Variants in GPR83 observed in about 807,000 individuals in gnomAD.
GPR83 encodes G protein-coupled receptor 83, also known as G-protein coupled receptor 72.
GPR83 carries 23 observed loss-of-function variants against 28.0 expected under a neutral mutation model. The observed-to-expected ratio is 0.82, with a 90% CI of 0.59 to 1.16. GPR83 has a LOEUF of 1.16. Ranked by LOEUF, GPR83 falls within the 50% of genes most tolerant of loss-of-function variation. The pLI is 0.00. For synonymous variants in GPR83, 234 were observed against 215.4 expected (o/e 1.09, Z -0.76); for missense variants, 610 against 536.6 (o/e 1.14, Z -1.35).
At position 94,377,854 on chromosome 11, in the gene GPR83, A is replaced by G. The variant is rs536177140; in HGVS notation, c.*2295T>C. The G allele has an allele frequency of 2.0e-5, 3 of 152,246 alleles. No homozygotes were observed. The South Asian group carries it at 6.2e-4, about 32-fold the overall frequency. The allele number at this position is 152,246 out of a possible 1,614,324, so 9.4% of individuals were successfully genotyped here. A position where few individuals can be genotyped will look rare whatever the true frequency, so the allele number is the denominator to read the frequency against. On this transcript the variant is annotated 3_prime_UTR_variant, in exon 4 of 4. Transcript: ENST00000243673. ...CAACTTCCAATATTTTGGACTTACG[A>G]TGGGTTTATTGAGATGTAAGTCAAG...
At chr11:94,390,674 C>T (rs1482936285) in intron 3 of GPR83, among the ~76,000 whole-genome samples, 1 of 152,048 alleles carries the variant, frequency 6.6e-6, no homozygotes, top group South Asian at 2.1e-4. Flanking sequence ...TCCTATACAC[C>T]AATAACAGAC....
At chr11:94,381,959 C>T (rs1318986013) in intron 3 of GPR83, among the ~76,000 whole-genome samples, 1 of 152,112 alleles carries the variant, frequency 6.6e-6, no homozygotes, top group Non-Finnish European at 1.5e-5. Context: ...CAGCCTCTGC[C>T]ACTCTCTTTC....
intron 3 of GPR83, among the ~76,000 whole-genome samples, chr11:94,385,628 CGAGAA>C (rs1208666270): frequency 1.3e-5 from 2 of 151,908 alleles, no homozygotes; most frequent in African/African-American, 4.8e-5. Context: ...TGAAATGAAG[CGAGAA>C]GAGAAGTTTA....
intron 3 of GPR83, among the ~76,000 whole-genome samples, chr11:94,382,061 C>T (rs1026102348): frequency 7.2e-5 from 11 of 152,090 alleles, no homozygotes; most frequent in Admixed American, 6.6e-5. Flanking sequence ...TCATCTAACA[C>T]AACAAATGAG....
chr11:94,395,468 G>A (rs1031150816), intron 2 of GPR83, among the ~76,000 whole-genome samples: 1 of 152,164 alleles, frequency 6.6e-6, no homozygotes, highest in African/African-American at 2.4e-5. Context: ...CATGGGCTTG[G>A]AGCCAGACAG....
intron 3 of GPR83, among the ~76,000 whole-genome samples, chr11:94,388,874 T>C (rs1944785695): frequency 6.6e-6 from 1 of 152,316 alleles, no homozygotes; most frequent in East Asian, 1.9e-4. Flanking sequence ...AAGTCAATCC[T>C]AAGGCAAAAG....
Position 94,377,955 on chromosome 11 carries a change from C to T in GPR83, c.*2194G>A. 1 of 152,156 alleles carries T rather than the reference C, an allele frequency of 6.6e-6. No individual in the cohort carries two copies. Among genetic ancestry groups the T allele is most frequent in the Non-Finnish European group, 1.5e-5 (1 of 68,046 alleles). The allele number at this position is 152,156 out of a possible 1,614,324, so 9.4% of individuals were successfully genotyped here. ...TCCATGCTTCCCAGAGCAGGACAAA[C>T]CTTCTGTATGCCTGCTGCCTTGTCT... On this transcript the variant is annotated 3_prime_UTR_variant, in exon 4 of 4. Transcript: ENST00000243673.
chr11:94,396,505 G>A lies in GPR83; in HGVS notation c.407C>T (p.Thr136Ile). The A allele has an allele frequency of 1.2e-6, 2 of 1,614,006 alleles. No individual in the cohort carries two copies. Among genetic ancestry groups the A allele is most frequent in the Non-Finnish European group, 1.7e-6 (2 of 1,179,866 alleles). Reference sequence around the variant, plus strand: ...GCACATGCCCTTCCCAAATATCCATGTGCTGTTCACAAAGCGAACCTGGAG... The same window carrying A: ...GCACATGCCCTTCCCAAATATCCATATGCTGTTCACAAAGCGAACCTGGAG... ...PFTLVRFVNS[T>I]WIFGKGMCHV... The change falls in exon 2 of 4, where the codon ACA becomes ATA. Residue 136 changes from threonine (T) to isoleucine (I), a missense_variant. Thr to Ile is a moderately conservative substitution (Grantham distance 89). Transcript: ENST00000243673.
intron 3 of GPR83, among the ~76,000 whole-genome samples, chr11:94,386,892 G>T (rs1944762686): frequency 6.6e-6 from 1 of 152,148 alleles, no homozygotes; most frequent in Non-Finnish European, 1.5e-5. Context: ...CAGCACCACA[G>T]TGCACTTATT....
At chr11:94,388,320 C>T (rs1944780465) in intron 3 of GPR83, among the ~76,000 whole-genome samples, 1 of 152,118 alleles carries the variant, frequency 6.6e-6, no homozygotes, top group South Asian at 2.1e-4. Context: ...AAGTTCTGGC[C>T]AGGGCAATCA....
At chr11:94,397,546 T>C (rs936255698) in intron 1 of GPR83, among the ~76,000 whole-genome samples, 1 of 152,250 alleles carries the variant, frequency 6.6e-6, no homozygotes, top group Admixed American at 6.5e-5. Context: ...TGTTTGCCAC[T>C]GATCACTGTG....
At chr11:94,393,340 G>T (rs1944835817) in intron 3 of GPR83, 145 bp downstream of exon 3, 2 of 677,494 alleles carry the variant, frequency 3.0e-6, no homozygotes, top group Non-Finnish European at 5.1e-6. Flanking sequence ...TAACAGGATG[G>T]GAGCGAGCCA....
intron 3 of GPR83, among the ~76,000 whole-genome samples, chr11:94,386,887 C>A (rs1944762581): frequency 6.6e-6 from 1 of 152,174 alleles, no homozygotes; most frequent in African/African-American, 2.4e-5. Context: ...CTTCTCAGCA[C>A]CACAGTGCAC....
rs529253995 is a variant in GPR83 at position 94,380,883 on chromosome 11, C to T, written c.648-110G>A. The T allele has an allele frequency of 2.9e-5, 26 of 888,532 alleles. No homozygotes were observed. In the East Asian group the frequency reaches 4.3e-4, roughly 15 times the overall value. The allele number at this position is 888,532 out of a possible 1,614,324, so 55.0% of individuals were successfully genotyped here. Reference sequence around the variant, plus strand: ...CTCTCCTTCCACTGGGCTCCTGGTACATCCATCTAATATGGCACTTTTGAT... The same window carrying T: ...CTCTCCTTCCACTGGGCTCCTGGTATATCCATCTAATATGGCACTTTTGAT... On this transcript the variant is annotated intron_variant, in intron 3 of 3. Transcript: ENST00000243673.
At chr11:94,385,040 C>G (rs1456809472) in intron 3 of GPR83, among the ~76,000 whole-genome samples, 1 of 152,174 alleles carries the variant, frequency 6.6e-6, no homozygotes, top group Non-Finnish European at 1.5e-5. Flanking sequence ...TGCTGTTCAC[C>G]AATATTTGCT....
chr11:94,378,300 G>T lies in GPR83; in HGVS notation c.*1849C>A, dbSNP rs1202981534. 1 of 152,212 alleles carries T rather than the reference G, an allele frequency of 6.6e-6. No individual in the cohort carries two copies. Among genetic ancestry groups the T allele is most frequent in the Non-Finnish European group, 1.5e-5 (1 of 68,048 alleles). 9.4% of individuals were successfully genotyped at this position (152,212 alleles called of 1,614,324 possible). A position where few individuals can be genotyped will look rare whatever the true frequency, so the allele number is the denominator to read the frequency against. On this transcript the variant is annotated 3_prime_UTR_variant, in exon 4 of 4. Coordinates refer to ENST00000243673, the MANE Select transcript of GPR83 (RefSeq NM_016540.4). ...TTCAGTTTCAGTTAACAGCCAAGAG[G>T]TCTAAGTGACAAACTCTTTCTCCCT... is the stretch of plus-strand genomic sequence containing the variant.
chr11:94,382,969 C>T (rs1361175244), intron 3 of GPR83, among the ~76,000 whole-genome samples: 4 of 151,828 alleles, frequency 2.6e-5, no homozygotes, highest in Admixed American at 1.3e-4. Context: ...TTGAGACCAT[C>T]CCGGCTAACA....
At chr11:94,391,568 T>A (rs963653590) in intron 3 of GPR83, among the ~76,000 whole-genome samples, 1 of 152,066 alleles carries the variant, frequency 6.6e-6, no homozygotes, top group Non-Finnish European at 1.5e-5. Context: ...TTGCAATCTA[T>A]CCATCTGACA....
At chr11:94,382,587 G>A (rs920361118) in intron 3 of GPR83, among the ~76,000 whole-genome samples, 6 of 152,094 alleles carry the variant, frequency 3.9e-5, no homozygotes, top group Non-Finnish European at 7.4e-5. Context: ...AATAGTGGGA[G>A]ACTTCACCAC....
Sources: gnomAD v4.1 joint callset for allele counts (sites outside exome capture counted in the v4.1 genomes callset) on GRCh38, gnomAD v4.1.1 for gene constraint, MANE v1.5 for transcripts, NCBI Gene and HGNC (gene_info 2026-07-23, HGNC 2026-07-21) for gene names.